Variants in ROBO1 observed in about 807,000 individuals in gnomAD.
The protein encoded by ROBO1 is roundabout homolog 1.
ROBO1 carries 149 observed loss-of-function variants against 195.9 expected under a neutral mutation model. The observed-to-expected ratio is 0.76, with a 90% CI of 0.67 to 0.87. The LOEUF (loss-of-function observed/expected upper bound fraction) is 0.87. ROBO1 is among the 40% of genes least tolerant of loss of function. The pLI, the probability that ROBO1 is intolerant of heterozygous loss-of-function variation, is 0.00. For synonymous variants in ROBO1, 816 were observed against 733.2 expected (o/e 1.11, Z -1.82); for missense variants, 1,933 against 2,068.3 (o/e 0.93, Z 1.27).
At chr3:78,930,637 C>A (rs184785754) in intron 4 of ROBO1, among the ~76,000 whole-genome samples, 105 of 152,296 alleles carry the variant, frequency 6.9e-4, no homozygotes, top group Middle Eastern at 3.4e-3. Flanking sequence ...TCAATTGCAT[C>A]TCCTGCAAAA....
intron 2 of ROBO1, among the ~76,000 whole-genome samples, chr3:79,355,115 G>A (rs1228398808): frequency 2.0e-5 from 3 of 151,890 alleles, no homozygotes; most frequent in East Asian, 3.9e-4. Context: ...GCAGTGAGCC[G>A]AGATTGTGCC....
At chr3:79,596,595 G>A (rs375826137) in intron 1 of ROBO1, among the ~76,000 whole-genome samples, 1 of 152,024 alleles carries the variant, frequency 6.6e-6, no homozygotes, top group Non-Finnish European at 1.5e-5. Flanking sequence ...AATGTATGAT[G>A]TATTAATTAT....
chr3:79,725,937 T>TAC (rs750391721), intron 1 of ROBO1, among the ~76,000 whole-genome samples: 131 of 151,180 alleles, frequency 8.7e-4, no homozygotes, highest in Non-Finnish European at 1.7e-3. Flanking sequence ...AAAAAAAGTA[T>TAC]ATCTGGCACT....
chr3:78,686,997 T>C (rs1054971462), intron 9 of ROBO1, among the ~76,000 whole-genome samples: 3 of 152,352 alleles, frequency 2.0e-5, no homozygotes, highest in Admixed American at 2.0e-4. Context: ...CAAAATTGAT[T>C]CTTTTACAAA....
chr3:78,980,093 C>T (rs2076960127), intron 3 of ROBO1, among the ~76,000 whole-genome samples: 1 of 152,040 alleles, frequency 6.6e-6, no homozygotes, highest in Non-Finnish European at 1.5e-5. Flanking sequence ...CGAGGGACAC[C>T]ATATGTTCCA....
intron 2 of ROBO1, among the ~76,000 whole-genome samples, chr3:79,581,929 T>A (rs1943674220): frequency 6.6e-6 from 1 of 152,020 alleles, no homozygotes; most frequent in Non-Finnish European, 1.5e-5. Context: ...GTAATATTAT[T>A]CTTCTGAGTG....
At chr3:79,020,895 A>G (rs2078087378) in intron 3 of ROBO1, among the ~76,000 whole-genome samples, 2 of 152,132 alleles carry the variant, frequency 1.3e-5, no homozygotes, top group Non-Finnish European at 2.9e-5. Flanking sequence ...TAGGGCAGAG[A>G]AGGAGGATTT....
At chr3:79,527,616 A>G (rs1035416910) in intron 2 of ROBO1, among the ~76,000 whole-genome samples, 4 of 152,192 alleles carry the variant, frequency 2.6e-5, no homozygotes, top group Non-Finnish European at 5.9e-5. Context: ...TTAGCAAAAA[A>G]AAAAATCAGG....
At chr3:78,829,859 G>T (rs183051947) in intron 4 of ROBO1, among the ~76,000 whole-genome samples, 210 of 152,266 alleles carry the variant, frequency 1.4e-3, no homozygotes, top group African/African-American at 4.7e-3. Context: ...TGGAAATCTA[G>T]AAATATTTGT....
chr3:79,684,333 T>C (rs1231106894), intron 1 of ROBO1, among the ~76,000 whole-genome samples: 2 of 152,248 alleles, frequency 1.3e-5, no homozygotes, highest in South Asian at 2.1e-4. Context: ...CATAAACATA[T>C]ACACATAAAT....
intron 2 of ROBO1, among the ~76,000 whole-genome samples, chr3:79,481,965 T>C (rs1036707366): frequency 5.3e-5 from 8 of 152,214 alleles, no homozygotes; most frequent in African/African-American, 1.9e-4. Context: ...AAAATGTATA[T>C]CCTATGCTTT....
chr3:78,781,084 G>A (rs1436162914), intron 4 of ROBO1, among the ~76,000 whole-genome samples: 3 of 152,008 alleles, frequency 2.0e-5, no homozygotes, highest in African/African-American at 4.8e-5. Flanking sequence ...AAATACAAAC[G>A]GATTTCAGCA....
At chr3:79,177,526 C>T (rs577517950) in intron 2 of ROBO1, among the ~76,000 whole-genome samples, 5 of 152,288 alleles carry the variant, frequency 3.3e-5, no homozygotes, top group Admixed American at 2.6e-4. Flanking sequence ...ATCCACTCCT[C>T]CCCCACTTTA....
intron 3 of ROBO1, among the ~76,000 whole-genome samples, chr3:79,070,477 T>C (rs1370141996): frequency 6.6e-6 from 1 of 151,886 alleles, no homozygotes; most frequent in Non-Finnish European, 1.5e-5. Flanking sequence ...TTTAGTTTTA[T>C]AGGCTTTTTT....
At chr3:79,161,933 A>G (rs1157067099) in intron 2 of ROBO1, among the ~76,000 whole-genome samples, 2 of 152,180 alleles carry the variant, frequency 1.3e-5, no homozygotes, top group African/African-American at 4.8e-5. Context: ...TAATAGATTC[A>G]GCCTCTGATG....
At chr3:79,015,285 G>T (rs2077897513) in intron 3 of ROBO1, among the ~76,000 whole-genome samples, 1 of 152,012 alleles carries the variant, frequency 6.6e-6, no homozygotes, top group Non-Finnish European at 1.5e-5. Flanking sequence ...GATGGAAGGA[G>T]GGAAAGAGGA....
At chr3:79,348,103 T>C (rs529878791) in intron 2 of ROBO1, among the ~76,000 whole-genome samples, 24 of 149,664 alleles carry the variant, frequency 1.6e-4, no homozygotes, top group Non-Finnish European at 2.8e-4. Flanking sequence ...CCCAGTGACT[T>C]GGGAGGCTGA....
At chr3:79,278,656 G>A (rs1249534020) in intron 2 of ROBO1, among the ~76,000 whole-genome samples, 1 of 152,136 alleles carries the variant, frequency 6.6e-6, no homozygotes, top group Non-Finnish European at 1.5e-5. Context: ...AAGGAATCTA[G>A]ACTCGCACTT....
At chr3:79,548,146 A>G (rs1248190031) in intron 2 of ROBO1, among the ~76,000 whole-genome samples, 1 of 152,196 alleles carries the variant, frequency 6.6e-6, no homozygotes, top group African/African-American at 2.4e-5. Flanking sequence ...AATGCTTGTT[A>G]GGAGATAGTA....
Sources: allele counts gnomAD v4.1 joint callset (sites outside exome capture counted in the v4.1 genomes callset), GRCh38; gene constraint gnomAD v4.1.1; transcripts MANE v1.5; gene names NCBI Gene and HGNC (gene_info 2026-07-23, HGNC 2026-07-21).